NUP62CL: variants seen among roughly 807,000 people sequenced by gnomAD.
The protein encoded by NUP62CL is nucleoporin 62 C-terminal like, also known as nucleoporin-62 C-terminal-like protein.
Under a neutral mutation model 15.3 loss-of-function variants are expected in NUP62CL, and 13 were observed. The observed-to-expected ratio is 0.85, with a 90% CI of 0.55 to 1.35. The LOEUF (loss-of-function observed/expected upper bound fraction) is 1.35, where lower values mean the gene tolerates loss of function less well. Among genes scored for constraint, NUP62CL ranks in the 40% most tolerant of loss-of-function variants. NUP62CL has a pLI of 0.00. For synonymous variants in NUP62CL, 54 were observed against 49.2 expected (o/e 1.10, Z -0.41); for missense variants, 123 against 130.6 (o/e 0.94, Z 0.28).
At chrX:107,146,061 T>C (rs1445210654) in intron 8 of NUP62CL, among the ~76,000 whole-genome samples, 2 of 112,037 alleles carry the variant, frequency 1.8e-5, no homozygotes. Flanking sequence ...TGGTATTGTA[T>C]ACTTCTTATC....
chrX:107,150,441 G>A (rs908613980), intron 7 of NUP62CL, among the ~76,000 whole-genome samples: 19 of 111,884 alleles, frequency 1.7e-4, no homozygotes, highest in African/African-American at 5.2e-4. Flanking sequence ...TATTTCTAGA[G>A]GCAGGAAGAA....
At chrX:107,156,631 C>T (rs1287723820) in intron 4 of NUP62CL, among the ~76,000 whole-genome samples, 8 of 83,946 alleles carry the variant, frequency 9.5e-5, no homozygotes, top group Non-Finnish European at 1.6e-4. Flanking sequence ...CCCATCTGTA[C>T]ATCACCATCA....
intron 7 of NUP62CL, among the ~76,000 whole-genome samples, chrX:107,152,085 T>C (rs1353479393): frequency 1.3e-5 from 1 of 78,393 alleles, no homozygotes; most frequent in Admixed American, 1.6e-4. Flanking sequence ...TTCAGATATA[T>C]ATATATATAT....
chrX:107,183,174 C>T (rs1926958331), intron 2 of NUP62CL, among the ~76,000 whole-genome samples: 1 of 111,998 alleles, frequency 8.9e-6, no homozygotes, highest in Admixed American at 9.5e-5. Flanking sequence ...GCCTGGGCAA[C>T]AGAGTGAGAC....
At chrX:107,191,106 A>G (rs939776240) in intron 2 of NUP62CL, among the ~76,000 whole-genome samples, 3 of 101,382 alleles carry the variant, frequency 3.0e-5, no homozygotes, top group Non-Finnish European at 6.0e-5. Context: ...GTATTTTAAT[A>G]CAGGCACATT....
intron 1 of NUP62CL, among the ~76,000 whole-genome samples, chrX:107,195,322 C>T (rs1488192442): frequency 8.9e-6 from 1 of 111,854 alleles, no homozygotes; most frequent in Non-Finnish European, 1.9e-5. Flanking sequence ...TCCATTCATT[C>T]CCCACAACCA....
chrX:107,177,686 A>C (rs868128847), intron 2 of NUP62CL, among the ~76,000 whole-genome samples: 32 of 111,573 alleles, frequency 2.9e-4, no homozygotes, highest in Middle Eastern at 4.7e-3. Context: ...GAGATACTAC[A>C]TTATACCCAT....
rs1222152986 is a variant in NUP62CL at position 107,141,731 on chromosome X, T to C, written c.*42+6012A>G. ...TTGGCATCTCAGCATCTGATACTCTTCAGATATGAGAGGGATGGATGAAAG... is the reference window on the plus strand; with the variant it reads ...TTGGCATCTCAGCATCTGATACTCTCCAGATATGAGAGGGATGGATGAAAG... On this transcript the variant is annotated intron_variant, in intron 8 of 8. Coordinates refer to ENST00000372466, the MANE Select transcript of NUP62CL (RefSeq NM_017681.3). Among the ~76,000 whole-genome samples, 5 of 111,755 alleles carry C rather than the reference T, an allele frequency of 4.5e-5. No individual in the cohort carries two copies. The East Asian group carries it at 1.4e-3, about 31-fold the overall frequency.
chrX:107,152,064 A>ATG (rs1387821979), intron 7 of NUP62CL, among the ~76,000 whole-genome samples: 1 of 71,284 alleles, frequency 1.4e-5, no homozygotes, highest in African/African-American at 6.6e-5. Flanking sequence ...ATATATATAT[A>ATG]TATATATATA....
intron 8 of NUP62CL, among the ~76,000 whole-genome samples, chrX:107,144,848 A>G (rs1199074439): frequency 2.7e-5 from 3 of 111,617 alleles, no homozygotes; most frequent in African/African-American, 9.7e-5. Context: ...CCACACAAAC[A>G]TAGTAAATTC....
intron 1 of NUP62CL, among the ~76,000 whole-genome samples, chrX:107,196,179 A>G (rs995239692): frequency 8.9e-6 from 1 of 112,093 alleles, no homozygotes; most frequent in Non-Finnish European, 1.9e-5. Context: ...TCTGCCTTAG[A>G]AATTTGAGAA....
chrX:107,172,337 A>AT (rs1926673754), intron 3 of NUP62CL, among the ~76,000 whole-genome samples: 1 of 110,954 alleles, frequency 9.0e-6, no homozygotes, highest in African/African-American at 3.3e-5. Flanking sequence ...TTAAAAAAAA[A>AT]GGGAGGGATG....
At chrX:107,131,374 A>T (rs1381959520) in intron 8 of NUP62CL, among the ~76,000 whole-genome samples, 1 of 110,785 alleles carries the variant, frequency 9.0e-6, no homozygotes, top group Non-Finnish European at 1.9e-5. Context: ...GATCTGGGAG[A>T]CCCGGGAGAA....
intron 1 of NUP62CL, among the ~76,000 whole-genome samples, chrX:107,203,692 T>A (rs1236839001): frequency 1.8e-5 from 2 of 111,118 alleles, no homozygotes; most frequent in Admixed American, 1.9e-4. Flanking sequence ...CAGAAAAAAA[T>A]TTCCAAAACA....
At chrX:107,196,656 A>G (rs1188787629) in intron 1 of NUP62CL, among the ~76,000 whole-genome samples, 2 of 111,212 alleles carry the variant, frequency 1.8e-5, no homozygotes, top group African/African-American at 6.5e-5. Context: ...CACCATGTTG[A>G]TCAGGCTGGT....
intron 8 of NUP62CL, chrX:107,131,577 G>A (rs1018785571): frequency 4.9e-6 from 2 of 411,993 alleles, no homozygotes; most frequent in Non-Finnish European, 8.5e-6. Context: ...ATGTAGGGCC[G>A]GTACTCAAGA....
rs897367221 is a variant in NUP62CL, at chrX:107,176,318, G to T, written c.-47-1125C>A. On this transcript the variant is annotated intron_variant, in intron 2 of 8. Coordinates refer to ENST00000372466, the MANE Select transcript of NUP62CL (RefSeq NM_017681.3). The stretch of plus-strand genomic sequence containing the variant: ...AACCAGGGAAAAAGAAAGCTGAAAA[G>T]GTCCGTCCTGAAATCGGAAGAATTA... Among the ~76,000 whole-genome samples, 21 of 111,417 alleles carry T rather than the reference G, an allele frequency of 1.9e-4. 1 individual carries two copies. Among genetic ancestry groups the T allele is most frequent in the Non-Finnish European group, 3.8e-5 (2 of 53,114 alleles).
At chrX:107,205,730 A>C (rs1192342509) in intron 1 of NUP62CL, among the ~76,000 whole-genome samples, 2 of 111,256 alleles carry the variant, frequency 1.8e-5, no homozygotes, top group Non-Finnish European at 3.8e-5. Flanking sequence ...CACGGAATTT[A>C]TGGGAAACTA....
intron 2 of NUP62CL, among the ~76,000 whole-genome samples, chrX:107,191,760 A>G (rs1420088147): frequency 8.9e-6 from 1 of 111,784 alleles, no homozygotes; most frequent in Admixed American, 9.5e-5. Context: ...GCACTTTATT[A>G]AACAACACAA....
Sources: gnomAD v4.1 joint callset for allele counts (sites outside exome capture counted in the v4.1 genomes callset) on GRCh38, gnomAD v4.1.1 for gene constraint, MANE v1.5 for transcripts, NCBI Gene and HGNC (gene_info 2026-07-23, HGNC 2026-07-21) for gene names.